Variants in NCAM2 observed in about 807,000 individuals in gnomAD.
NCAM2 encodes the protein neural cell adhesion molecule 2, also known as N-CAM-2.
In NCAM2, 30 loss-of-function variants were observed where a neutral mutation model predicts 98.1. That is an observed-to-expected ratio of 0.31 (90% CI 0.23 to 0.41). NCAM2 has a LOEUF of 0.41. NCAM2 is among the 10% of genes least tolerant of loss of function. NCAM2 has a pLI of 1.00. For missense variants in NCAM2, 867 were observed against 1,005.8 expected, an observed-to-expected ratio of 0.86 and a Z score of 1.87; for synonymous variants, 368 against 342.4, an observed-to-expected ratio of 1.07 and a Z score of -0.83.
intron 15 of NCAM2, among the ~76,000 whole-genome samples, chr21:21,501,625 T>A (rs945615861): frequency 1.3e-3 from 192 of 151,728 alleles, no homozygotes; most frequent in African/African-American, 4.1e-3. Flanking sequence ...TCCTTTTTTT[T>A]TTTTTGCTAT....
At chr21:21,092,821 T>C (rs1378541434) in intron 1 of NCAM2, among the ~76,000 whole-genome samples, 1 of 151,868 alleles carries the variant, frequency 6.6e-6, no homozygotes, top group African/African-American at 2.4e-5. Context: ...AAAATAATAA[T>C]GTATTTATAT....
intron 1 of NCAM2, among the ~76,000 whole-genome samples, chr21:21,104,349 G>A (rs77645270): frequency 0.042 from 6,355 of 152,068 alleles, 162 homozygotes; most frequent in African/African-American, 0.049. Context: ...TGGAAAAATA[G>A]GAACAAAGAA....
At chr21:21,477,716 A>G (rs1410230767) in intron 15 of NCAM2, among the ~76,000 whole-genome samples, 3 of 152,152 alleles carry the variant, frequency 2.0e-5, no homozygotes, top group Non-Finnish European at 4.4e-5. Flanking sequence ...GACTAGGAGA[A>G]CATAGAGAGT....
intron 11 of NCAM2, among the ~76,000 whole-genome samples, chr21:21,426,725 G>T (rs534350518): frequency 6.6e-6 from 1 of 152,018 alleles, no homozygotes; most frequent in East Asian, 1.9e-4. Context: ...TTGTCCATGC[G>T]CACCTCCTGA....
chr21:21,157,007 G>A (rs1030840739), intron 1 of NCAM2, among the ~76,000 whole-genome samples: 2 of 151,854 alleles, frequency 1.3e-5, no homozygotes, highest in African/African-American at 4.8e-5. Context: ...TTCTGCACCC[G>A]CAGGTTTTCA....
intron 1 of NCAM2, among the ~76,000 whole-genome samples, chr21:21,145,309 T>C (rs2067248773): frequency 6.6e-6 from 1 of 152,160 alleles, no homozygotes; most frequent in Non-Finnish European, 1.5e-5. Context: ...GCTTACTTGC[T>C]TTTGATTATG....
chr21:21,048,345 A>C (rs2065039356), intron 1 of NCAM2, among the ~76,000 whole-genome samples: 2 of 151,978 alleles, frequency 1.3e-5, no homozygotes, highest in Admixed American at 6.6e-5. Context: ...CCCCTTTCTG[A>C]ACCAACCCGA....
intron 1 of NCAM2, among the ~76,000 whole-genome samples, chr21:21,229,910 A>G (rs928998938): frequency 9.2e-5 from 14 of 151,550 alleles, no homozygotes; most frequent in Non-Finnish European, 1.9e-4. Context: ...TTTGGAGATT[A>G]CATTAAGTCT....
intron 9 of NCAM2, among the ~76,000 whole-genome samples, chr21:21,382,145 T>C (rs987786648): frequency 6.6e-6 from 1 of 152,170 alleles, no homozygotes; most frequent in African/African-American, 2.4e-5. Flanking sequence ...TATTTATCAA[T>C]TTGATTAGGA....
At chr21:21,064,137 C>T (rs1358845341) in intron 1 of NCAM2, among the ~76,000 whole-genome samples, 4 of 152,062 alleles carry the variant, frequency 2.6e-5, no homozygotes, top group African/African-American at 9.7e-5. Flanking sequence ...AAAATTAGGT[C>T]AGTGTGGCTA....
intron 1 of NCAM2, among the ~76,000 whole-genome samples, chr21:21,176,751 C>T (rs1207512585): frequency 2.0e-5 from 3 of 151,290 alleles, no homozygotes; most frequent in Non-Finnish European, 4.4e-5. Context: ...TTTCATTTTC[C>T]ATGTTAAATA....
At chr21:21,275,299 G>A (rs1180190265) in intron 1 of NCAM2, among the ~76,000 whole-genome samples, 9 of 151,874 alleles carry the variant, frequency 5.9e-5, no homozygotes, top group African/African-American at 1.7e-4. Flanking sequence ...AATTAGCCGG[G>A]CGTGGTGGCG....
At chr21:21,270,758 G>T (rs545050460) in intron 1 of NCAM2, among the ~76,000 whole-genome samples, 19 of 151,918 alleles carry the variant, frequency 1.3e-4, no homozygotes, top group Non-Finnish European at 2.5e-4. Flanking sequence ...TTTTTGGTGA[G>T]CCCAGGTTTC....
chr21:21,494,110 G>A (rs918812389), intron 15 of NCAM2, among the ~76,000 whole-genome samples: 8 of 151,582 alleles, frequency 5.3e-5, no homozygotes, highest in Non-Finnish European at 8.9e-5. Context: ...ATAATAATAC[G>A]TATCTTCTGT....
At chr21:21,285,350 C>T (rs111676934) in intron 3 of NCAM2, among the ~76,000 whole-genome samples, 4 of 151,820 alleles carry the variant, frequency 2.6e-5, no homozygotes, top group African/African-American at 9.6e-5. Flanking sequence ...AGTAGGACTT[C>T]CTGTTTGATG....
chr21:21,361,111 A>C (rs535800941), intron 8 of NCAM2, among the ~76,000 whole-genome samples: 4 of 152,216 alleles, frequency 2.6e-5, no homozygotes, highest in South Asian at 4.1e-4. Flanking sequence ...CTGAGTTTTC[A>C]TGTGGAGTCT....
intron 1 of NCAM2, among the ~76,000 whole-genome samples, chr21:21,139,011 C>G (rs1256363939): frequency 6.6e-6 from 1 of 152,190 alleles, no homozygotes; most frequent in Non-Finnish European, 1.5e-5. Context: ...TCTGGATTCC[C>G]TGAACCTGTG....
chr21:21,230,077 A>C (rs1475742871), intron 1 of NCAM2, among the ~76,000 whole-genome samples: 1 of 151,330 alleles, frequency 6.6e-6, no homozygotes, highest in African/African-American at 2.4e-5. Context: ...TATAAATTTT[A>C]TGGACTTTGT....
intron 1 of NCAM2, among the ~76,000 whole-genome samples, chr21:21,271,839 G>A (rs2072511804): frequency 6.6e-6 from 1 of 152,032 alleles, no homozygotes; most frequent in Admixed American, 6.6e-5. Context: ...ATAAGTTCTA[G>A]TCAATGAGAA....
Sources: gnomAD v4.1 joint callset for allele counts (sites outside exome capture counted in the v4.1 genomes callset) on GRCh38, gnomAD v4.1.1 for gene constraint, MANE v1.5 for transcripts, NCBI Gene and HGNC (gene_info 2026-07-23, HGNC 2026-07-21) for gene names.